KCNQ3: variants seen among roughly 807,000 people sequenced by gnomAD.
KCNQ3 encodes potassium voltage-gated channel subfamily Q member 3.
A neutral mutation model predicts 92.5 loss-of-function variants in KCNQ3; 30 were observed. The observed-to-expected ratio is 0.32, with a 90% confidence interval of 0.24 to 0.44. KCNQ3 has a LOEUF of 0.44. Ranked by LOEUF, KCNQ3 falls within the 20% of genes least tolerant of loss-of-function variation. The pLI, the probability that KCNQ3 is intolerant of heterozygous loss-of-function variation, is 1.00. For synonymous variants in KCNQ3, 450 were observed against 468.8 expected, an observed-to-expected ratio of 0.96 and a Z score of 0.52; for missense variants, 913 against 1,140.3, an observed-to-expected ratio of 0.80 and a Z score of 2.87.
chr8:132,236,864 G>A (rs879699144), intron 1 of KCNQ3, among the ~76,000 whole-genome samples: 8 of 152,210 alleles, frequency 5.3e-5, no homozygotes, highest in Non-Finnish European at 1.2e-4. Context: ...AGATGAAGGG[G>A]ACCATGGGTC....
intron 1 of KCNQ3, among the ~76,000 whole-genome samples, chr8:132,384,943 C>G (rs1819853114): frequency 6.6e-6 from 1 of 152,222 alleles, no homozygotes; most frequent in Admixed American, 6.5e-5. Context: ...TAGCAGGTTG[C>G]AGTAGATGCT....
intron 1 of KCNQ3, among the ~76,000 whole-genome samples, chr8:132,466,026 A>C (rs1822164774): frequency 6.6e-6 from 1 of 152,218 alleles, no homozygotes; most frequent in East Asian, 1.9e-4. Context: ...AATATTAACA[A>C]GGAGAAAGCT....
At chr8:132,263,046 A>C (rs896363924) in intron 1 of KCNQ3, among the ~76,000 whole-genome samples, 5 of 152,116 alleles carry the variant, frequency 3.3e-5, no homozygotes, top group African/African-American at 7.2e-5. Flanking sequence ...TTTAATCTCC[A>C]TCTATCTGAC....
chr8:132,264,605 A>G (rs192458859), intron 1 of KCNQ3, among the ~76,000 whole-genome samples: 14 of 152,300 alleles, frequency 9.2e-5, no homozygotes, highest in African/African-American at 3.4e-4. Flanking sequence ...AAAACACGAC[A>G]TGTGCCAGGA....
chr8:132,319,866 C>T (rs1258964117), intron 1 of KCNQ3, among the ~76,000 whole-genome samples: 2 of 152,326 alleles, frequency 1.3e-5, no homozygotes, highest in East Asian at 1.9e-4. Context: ...AGAGCTTTAA[C>T]AAAATGAAGT....
In KCNQ3 at chr8:132,121,756, G is replaced by GAAAAGACCAGAGTCAGCAGAGACA. The variant is rs1824475984; in HGVS notation, c.*7505_*7506insTGTCTCTGCTGACTCTGGTCTTTT. ...ACAAAAGACCAGAGTCAGCAGAGAC[G>GAAAAGACCAGAGTCAGCAGAGACA]TGGAGATATTTGAACTTGTTTGGTT... On this transcript the variant is annotated 3_prime_UTR_variant, in exon 15 of 15. Transcript: ENST00000388996. 6.6e-6 allele frequency: 1 copy of GAAAAGACCAGAGTCAGCAGAGACA among 152,112 alleles called. No individual in the cohort carries two copies. Among genetic ancestry groups the GAAAAGACCAGAGTCAGCAGAGACA allele is most frequent in the Non-Finnish European group, 1.5e-5 (1 of 68,028 alleles). 9.4% of individuals were successfully genotyped at this position (152,112 alleles called of 1,614,324 possible).
intron 14 of KCNQ3, among the ~76,000 whole-genome samples, chr8:132,131,406 T>G (rs1209691763): frequency 2.0e-5 from 3 of 152,186 alleles, no homozygotes; most frequent in Non-Finnish European, 4.4e-5. Flanking sequence ...CGGGTTTCTC[T>G]TTCCACCTTG....
chr8:132,321,991 G>A (rs1175109305), intron 1 of KCNQ3, among the ~76,000 whole-genome samples: 1 of 152,160 alleles, frequency 6.6e-6, no homozygotes, highest in Admixed American at 6.5e-5. Context: ...TTTTTTTAAA[G>A]CACATTTTCT....
chr8:132,456,760 C>T (rs1476439633), intron 1 of KCNQ3, among the ~76,000 whole-genome samples: 1 of 151,886 alleles, frequency 6.6e-6, no homozygotes, highest in Admixed American at 6.6e-5. Flanking sequence ...TACAGGCGCC[C>T]GCCACAATGC....
At chr8:132,449,882 C>T (rs1821780983) in intron 1 of KCNQ3, among the ~76,000 whole-genome samples, 1 of 152,136 alleles carries the variant, frequency 6.6e-6, no homozygotes, top group Non-Finnish European at 1.5e-5. Flanking sequence ...AAGATGGGCC[C>T]ATAGCAAGCC....
At chr8:132,252,348 C>G (rs1407681635) in intron 1 of KCNQ3, among the ~76,000 whole-genome samples, 1 of 152,102 alleles carries the variant, frequency 6.6e-6, no homozygotes, top group African/African-American at 2.4e-5. Context: ...AGGAGTGAAG[C>G]CGCAGACCTT....
At chr8:132,160,763 A>T (rs1188116518) in intron 9 of KCNQ3, among the ~76,000 whole-genome samples, 2 of 151,958 alleles carry the variant, frequency 1.3e-5, no homozygotes, top group Non-Finnish European at 2.9e-5. Context: ...AATGAGTGGG[A>T]GGTTGGCTTT....
In KCNQ3 at chr8:132,123,861, G is replaced by A. The variant is rs1165974540; in HGVS notation, c.*5401C>T. 6.6e-6 allele frequency: 1 copy of A among 152,138 alleles called. No homozygotes were observed. Among genetic ancestry groups the A allele is most frequent in the African/African-American group, 2.4e-5 (1 of 41,426 alleles). The allele number at this position is 152,138 out of a possible 1,614,324, so 9.4% of individuals were successfully genotyped here. A position where few individuals can be genotyped will look rare whatever the true frequency, so the allele number is the denominator to read the frequency against. Reference sequence around the variant, plus strand: ...CACAATTTTCTTACAGGGTTGCTGAGGTTAAAGCCGTGAAAGCCTGGGAAC... The same window carrying A: ...CACAATTTTCTTACAGGGTTGCTGAAGTTAAAGCCGTGAAAGCCTGGGAAC... On this transcript the variant is annotated 3_prime_UTR_variant, in exon 15 of 15. Coordinates refer to ENST00000388996, the MANE Select transcript of KCNQ3 (RefSeq NM_004519.4).
chr8:132,148,829 G>T (rs1257500246), intron 9 of KCNQ3, among the ~76,000 whole-genome samples: 1 of 152,164 alleles, frequency 6.6e-6, no homozygotes, highest in Non-Finnish European at 1.5e-5. Flanking sequence ...CACCATTTGG[G>T]CTCATGGTTC....
At chr8:132,410,891 C>A (rs1820634352) in intron 1 of KCNQ3, among the ~76,000 whole-genome samples, 1 of 152,216 alleles carries the variant, frequency 6.6e-6, no homozygotes, top group Non-Finnish European at 1.5e-5. Context: ...GCAGCCATCA[C>A]CTGTCCCCTG....
intron 1 of KCNQ3, among the ~76,000 whole-genome samples, chr8:132,475,059 T>C (rs549080563): frequency 6.6e-6 from 1 of 152,286 alleles, no homozygotes; most frequent in East Asian, 1.9e-4. Flanking sequence ...CCCTTCACTC[T>C]TGCGCTCTCT....
At chr8:132,406,365 T>C (rs527258090) in intron 1 of KCNQ3, among the ~76,000 whole-genome samples, 1 of 152,322 alleles carries the variant, frequency 6.6e-6, no homozygotes, top group South Asian at 2.1e-4. Flanking sequence ...TTTCAACCAC[T>C]GAACTTGTCC....
intron 1 of KCNQ3, among the ~76,000 whole-genome samples, chr8:132,376,174 C>G (rs1015256183): frequency 6.6e-6 from 1 of 152,158 alleles, no homozygotes; most frequent in African/African-American, 2.4e-5. Context: ...TTCTTCAATT[C>G]TAAGAGGCAT....
At chr8:132,423,388 T>C (rs1472825935) in intron 1 of KCNQ3, among the ~76,000 whole-genome samples, 1 of 152,152 alleles carries the variant, frequency 6.6e-6, no homozygotes, top group Non-Finnish European at 1.5e-5. Flanking sequence ...AGAATTGAGC[T>C]TCCTCCACAA....
Sources: allele counts gnomAD v4.1 joint callset (sites outside exome capture counted in the v4.1 genomes callset), GRCh38; gene constraint gnomAD v4.1.1; transcripts MANE v1.5; gene names NCBI Gene and HGNC (gene_info 2026-07-23, HGNC 2026-07-21).